RIMS2: variants seen among roughly 807,000 people sequenced by gnomAD.
The protein encoded by RIMS2 is regulating synaptic membrane exocytosis protein 2.
Under a neutral mutation model 174.4 loss-of-function variants are expected in RIMS2, and 59 were observed. That is an observed-to-expected ratio of 0.34 (90% CI 0.27 to 0.42). The LOEUF (loss-of-function observed/expected upper bound fraction) is 0.42. RIMS2 is among the 10% of genes least tolerant of loss of function. RIMS2 has a pLI of 1.00. For synonymous variants in RIMS2, 606 were observed against 572.5 expected (o/e 1.06, Z -0.84); for missense variants, 1,620 against 1,666.3 (o/e 0.97, Z 0.48).
At chr8:104,246,688 G>A (rs1346208411) in intron 20 of RIMS2, among the ~76,000 whole-genome samples, 1 of 152,150 alleles carries the variant, frequency 6.6e-6, no homozygotes, top group East Asian at 1.9e-4. Flanking sequence ...TTCGAGTGAA[G>A]ATCTGAAGGA....
chr8:104,158,839 G>C (rs2098742355), intron 19 of RIMS2, among the ~76,000 whole-genome samples: 1 of 152,082 alleles, frequency 6.6e-6, no homozygotes, highest in Admixed American at 6.5e-5. Context: ...CTCCCATTCT[G>C]TAGGTTGCCT....
intron 22 of RIMS2, among the ~76,000 whole-genome samples, chr8:104,250,535 T>C (rs1019612579): frequency 6.6e-6 from 1 of 152,198 alleles, no homozygotes; most frequent in Non-Finnish European, 1.5e-5. Context: ...AAGCCATAGA[T>C]TGTCTAATTA....
intron 19 of RIMS2, among the ~76,000 whole-genome samples, chr8:104,193,009 G>A (rs1049379693): frequency 1.3e-4 from 19 of 151,926 alleles, no homozygotes; most frequent in African/African-American, 3.4e-4. Context: ...AGAGCTTCAC[G>A]TAGGTATACA....
At chr8:104,188,786 T>C (rs2098982719) in intron 19 of RIMS2, among the ~76,000 whole-genome samples, 1 of 151,908 alleles carries the variant, frequency 6.6e-6, no homozygotes, top group Admixed American at 6.6e-5. Flanking sequence ...TGGGGGTTTA[T>C]TTCACTAGAC....
intron 19 of RIMS2, among the ~76,000 whole-genome samples, chr8:104,128,797 T>TTTTTGTTTAA (rs2132775923): frequency 6.6e-6 from 1 of 152,358 alleles, no homozygotes; most frequent in African/African-American, 2.4e-5. Flanking sequence ...ATTTTTGTTT[T>TTTTTGTTTAA]CTTCAGTATG....
chr8:103,986,811 T>C (rs2154549942), intron 16 of RIMS2, among the ~76,000 whole-genome samples: 1 of 151,216 alleles, frequency 6.6e-6, no homozygotes, highest in East Asian at 1.9e-4. Flanking sequence ...AGGTGGAGGT[T>C]GCAGTGAGCC....
intron 6 of RIMS2, 26 bp downstream of exon 9, chr8:103,912,198 T>C: frequency 6.3e-7 from 1 of 1,586,686 alleles, no homozygotes. Context: ...TATGAGATTT[T>C]GGCTCTATAC....
chr8:103,891,352 G>C (rs1268017041), intron 4 of RIMS2, among the ~76,000 whole-genome samples: 1 of 152,018 alleles, frequency 6.6e-6, no homozygotes, highest in African/African-American at 2.4e-5. Context: ...TGATGCTCGT[G>C]TTTCACGTTT....
At chr8:103,929,163 A>G (rs1043091636) in intron 11 of RIMS2, among the ~76,000 whole-genome samples, 19 of 151,814 alleles carry the variant, frequency 1.3e-4, no homozygotes, top group African/African-American at 4.6e-4. Flanking sequence ...TGTAATTTAT[A>G]CTTTAGTAAA....
chr8:104,161,939 A>T (rs1373429403), intron 19 of RIMS2, among the ~76,000 whole-genome samples: 1 of 152,188 alleles, frequency 6.6e-6, no homozygotes, highest in African/African-American at 2.4e-5. Context: ...TTGTGCATTT[A>T]ATCTCTCTGA....
intron 11 of RIMS2, among the ~76,000 whole-genome samples, chr8:103,929,133 T>G (rs1313518336): frequency 2.6e-5 from 4 of 151,750 alleles, no homozygotes. Context: ...CTATTTAAAT[T>G]ACTTTAATAT....
At chr8:103,918,559 A>T in intron 9 of RIMS2, 72 bp downstream of exon 12, 1 of 1,022,066 alleles carries the variant, frequency 9.8e-7, no homozygotes, top group African/African-American at 1.6e-5. Flanking sequence ...GAAGTATTTA[A>T]CTAGTAATGT....
intron 17 of RIMS2, among the ~76,000 whole-genome samples, chr8:103,989,886 A>G (rs969789133): frequency 1.3e-5 from 2 of 152,194 alleles, no homozygotes; most frequent in East Asian, 3.8e-4. Flanking sequence ...GAAACATTTT[A>G]TGATTCATGA....
intron 3 of RIMS2, chr8:103,819,071 A>G (rs2098735181): frequency 3.5e-6 from 1 of 286,504 alleles, no homozygotes; most frequent in Non-Finnish European, 5.5e-6. Context: ...TAGCATTGAG[A>G]AGATACCTTG....
At chr8:104,073,500 C>G (rs757632297) in intron 19 of RIMS2, among the ~76,000 whole-genome samples, 2 of 152,098 alleles carry the variant, frequency 1.3e-5, no homozygotes, top group Admixed American at 1.3e-4. Flanking sequence ...AATACTTCTA[C>G]AAAATTATCA....
intron 11 of RIMS2, among the ~76,000 whole-genome samples, chr8:103,929,290 A>G (rs2079412789): frequency 6.6e-6 from 1 of 151,790 alleles, no homozygotes; most frequent in Non-Finnish European, 1.5e-5. Context: ...TCTGAAAAGA[A>G]TACTCTCTAT....
chr8:104,162,466 A>G (rs1233442756), intron 19 of RIMS2, among the ~76,000 whole-genome samples: 4 of 152,224 alleles, frequency 2.6e-5, no homozygotes, highest in Non-Finnish European at 4.4e-5. Flanking sequence ...AAATATTATC[A>G]TTACCATTTT....
intron 1 of RIMS2, among the ~76,000 whole-genome samples, chr8:103,644,075 C>A (rs565609240): frequency 6.6e-6 from 1 of 151,748 alleles, no homozygotes; most frequent in African/African-American, 2.4e-5. Flanking sequence ...TGATTTTCAC[C>A]GAGAGAACCC....
At chr8:103,606,588 A>G (rs9772390) in intron 1 of RIMS2, among the ~76,000 whole-genome samples, 27,545 of 151,728 alleles carry the variant, frequency 0.18, 2,748 homozygotes, top group African/African-American at 0.26. Flanking sequence ...TCTGTCTAAT[A>G]TTGACAGTGG....
Sources: gnomAD v4.1 joint callset for allele counts (sites outside exome capture counted in the v4.1 genomes callset) on GRCh38, gnomAD v4.1.1 for gene constraint, MANE v1.5 for transcripts, NCBI Gene and HGNC (gene_info 2026-07-23, HGNC 2026-07-21) for gene names.